SLC2A9: variants seen among roughly 807,000 people sequenced by gnomAD.
The protein encoded by SLC2A9 is solute carrier family 2 member 9.
A neutral mutation model predicts 50.6 loss-of-function variants in SLC2A9; 39 were observed. The observed-to-expected ratio is 0.77, with a 90% confidence interval of 0.60 to 1.01. SLC2A9 has a LOEUF of 1.01. SLC2A9 is among the 50% of genes least tolerant of loss of function. SLC2A9 has a pLI of 0.00. For synonymous variants in SLC2A9, 324 were observed against 276.9 expected, an observed-to-expected ratio of 1.17 and a Z score of -1.69; for missense variants, 686 against 677.6, an observed-to-expected ratio of 1.01 and a Z score of -0.14.
chr4:9,910,960 G>A (rs1741638004), intron 7 of SLC2A9, among the ~76,000 whole-genome samples: 1 of 147,476 alleles, frequency 6.8e-6, no homozygotes, highest in South Asian at 2.2e-4. Flanking sequence ...AGAATACATG[G>A]AAACAGAGAG....
At chr4:9,883,111 A>T (rs1197590536) in intron 10 of SLC2A9, among the ~76,000 whole-genome samples, 1 of 148,538 alleles carries the variant, frequency 6.7e-6, no homozygotes, top group Non-Finnish European at 1.5e-5. Context: ...CTAATGTGGC[A>T]AAGAAGAACA....
chr4:9,775,727 C>T (rs1464229474), downstream of SLC2A9, among the ~76,000 whole-genome samples: 1 of 152,168 alleles, frequency 6.6e-6, no homozygotes, highest in African/African-American at 2.4e-5. Flanking sequence ...TCCTTAGAAG[C>T]CAAGCAGATG....
chr4:10,019,591 G>T (rs935982721), intron 1 of SLC2A9, among the ~76,000 whole-genome samples: 1 of 152,226 alleles, frequency 6.6e-6, no homozygotes, highest in Non-Finnish European at 1.5e-5. Context: ...AGGTGGCCTG[G>T]CTGCAGTGCC....
chr4:9,826,340 A>G lies in SLC2A9; in HGVS notation c.*57T>C. The stretch of plus-strand genomic sequence containing the variant: ...TTTAAGTTTCCTGAAAAGTGAGATC[A>G]TCCATGTAGACAATCCTGTTTTTGA... On this transcript the variant is annotated 3_prime_UTR_variant, in exon 12 of 12. Transcript: ENST00000264784. 2 of 1,561,572 alleles carry G rather than the reference A, an allele frequency of 1.3e-6. No homozygotes were observed. The highest frequency in any genetic ancestry group is 1.8e-6 in the Non-Finnish European group (2 of 1,132,356).
intron 1 of SLC2A9, among the ~76,000 whole-genome samples, chr4:10,026,934 C>T (rs146297413): frequency 6.6e-6 from 1 of 152,202 alleles, no homozygotes; most frequent in Admixed American, 6.5e-5. Flanking sequence ...ATCCCAGCTA[C>T]TCGGGAGGCT....
chr4:10,005,675 T>G (rs1760668478), intron 2 of SLC2A9, among the ~76,000 whole-genome samples: 1 of 152,182 alleles, frequency 6.6e-6, no homozygotes, highest in Non-Finnish European at 1.5e-5. Flanking sequence ...AACAACTGAA[T>G]AAAAGGCTAC....
intron 6 of SLC2A9, among the ~76,000 whole-genome samples, chr4:9,928,222 C>T (rs986365631): frequency 6.6e-6 from 1 of 152,238 alleles, no homozygotes; most frequent in Admixed American, 6.5e-5. Flanking sequence ...ATTTCAGGTG[C>T]AAGCCTGCTG....
At chr4:9,777,826 A>C (rs1717767442), downstream of SLC2A9, among the ~76,000 whole-genome samples, 1 of 152,208 alleles carries the variant, frequency 6.6e-6, no homozygotes. Context: ...GCTCTCCTGG[A>C]ACACAGGACA....
chr4:9,823,396 C>T (rs911477625), downstream of SLC2A9, among the ~76,000 whole-genome samples: 5 of 152,128 alleles, frequency 3.3e-5, no homozygotes, highest in Non-Finnish European at 7.3e-5. Flanking sequence ...CTCTAACTCG[C>T]CACTCCCCAT....
chr4:9,919,366 A>G (rs1743483028), intron 7 of SLC2A9, among the ~76,000 whole-genome samples: 2 of 152,168 alleles, frequency 1.3e-5, no homozygotes, highest in African/African-American at 4.8e-5. Flanking sequence ...TGTTTCCGAA[A>G]ATAGAACCAA....
rs141313407 is a variant in SLC2A9 at position 9,841,733 on chromosome 4, G to A, written c.1292-6725C>T. Among the ~76,000 whole-genome samples, 63 of 152,190 alleles carry A rather than the reference G, an allele frequency of 4.1e-4. No individual in the cohort carries two copies. In the East Asian group the frequency reaches 0.01, roughly 25 times the overall value. ...TAGATTTTGTAAAGTGACATGCACCGGAACCCATTCCATGTTGTCAGGGGC... is the reference window on the plus strand; with the variant it reads ...TAGATTTTGTAAAGTGACATGCACCAGAACCCATTCCATGTTGTCAGGGGC... On this transcript the variant is annotated intron_variant, in intron 10 of 11. Coordinates refer to ENST00000264784, the MANE Select transcript of SLC2A9 (RefSeq NM_020041.3).
chr4:9,786,049 G>A (rs1432118349), intron 3 of SLC2A9, among the ~76,000 whole-genome samples: 1 of 152,214 alleles, frequency 6.6e-6, no homozygotes, highest in Non-Finnish European at 1.5e-5. Flanking sequence ...GCAAAGGCTT[G>A]GAAATGGGAT....
chr4:10,036,370 T>G (rs187560319), intron 1 of SLC2A9, among the ~76,000 whole-genome samples: 5 of 152,262 alleles, frequency 3.3e-5, no homozygotes, highest in Admixed American at 1.3e-4. Context: ...TGAAAAGAGA[T>G]AGTGTACGAA....
chr4:9,847,864 G>A (rs554392508), intron 10 of SLC2A9, among the ~76,000 whole-genome samples: 2 of 152,302 alleles, frequency 1.3e-5, no homozygotes, highest in African/African-American at 4.8e-5. Context: ...TGTTGATCTT[G>A]GGCAAGGAAG....
At chr4:9,834,173 C>T (rs915187358) in intron 11 of SLC2A9, among the ~76,000 whole-genome samples, 4 of 152,174 alleles carry the variant, frequency 2.6e-5, no homozygotes, top group South Asian at 2.1e-4. Flanking sequence ...CAGGCCTCTG[C>T]GCAACGGTCA....
intron 1 of SLC2A9, among the ~76,000 whole-genome samples, chr4:9,773,160 G>C (rs1717071645): frequency 6.6e-6 from 1 of 152,200 alleles, no homozygotes; most frequent in African/African-American, 2.4e-5. Context: ...ACTGAGCTTT[G>C]GATTTCAAGA....
chr4:9,906,120 T>C (rs1740616533), intron 8 of SLC2A9, among the ~76,000 whole-genome samples: 1 of 152,222 alleles, frequency 6.6e-6, no homozygotes, highest in Non-Finnish European at 1.5e-5. Flanking sequence ...TTAATGTATA[T>C]TCATTGGTAC....
At chr4:9,806,377 C>A (rs915888616) in intron 3 of SLC2A9, among the ~76,000 whole-genome samples, 1 of 152,226 alleles carries the variant, frequency 6.6e-6, no homozygotes, top group East Asian at 1.9e-4. Context: ...CTAGCCAGCG[C>A]CATCCCTTTG....
At chr4:9,882,974 G>A (rs911443057) in intron 10 of SLC2A9, among the ~76,000 whole-genome samples, 1 of 152,132 alleles carries the variant, frequency 6.6e-6, no homozygotes, top group Non-Finnish European at 1.5e-5. Context: ...CTAGCTTGCT[G>A]GAAAATGTCA....
Sources: gnomAD v4.1 joint callset for allele counts (sites outside exome capture counted in the v4.1 genomes callset) on GRCh38, gnomAD v4.1.1 for gene constraint, MANE v1.5 for transcripts, NCBI Gene and HGNC (gene_info 2026-07-23, HGNC 2026-07-21) for gene names.